ZDHHC11: variants seen among roughly 807,000 people sequenced by gnomAD.
ZDHHC11 encodes zDHHC palmitoyltransferase 11, also known as palmitoyltransferase ZDHHC11.
A neutral mutation model predicts 51.3 loss-of-function variants in ZDHHC11; 44 were observed. The observed-to-expected ratio is 0.86, with a 90% CI of 0.67 to 1.10. The LOEUF (loss-of-function observed/expected upper bound fraction) is 1.10. Ranked by LOEUF, ZDHHC11 falls within the 50% of genes least tolerant of loss-of-function variation. The probability of loss-of-function intolerance (pLI) is 0.00; values close to 1 mark genes in which losing one functional copy is unlikely to be tolerated. For synonymous variants in ZDHHC11, 163 were observed against 222.0 expected (o/e 0.73, Z 2.36); for missense variants, 400 against 537.7 (o/e 0.74, Z 2.53).
chr5:803,615 T>C (rs934475114), intron 11 of ZDHHC11, among the ~76,000 whole-genome samples: 7 of 150,982 alleles, frequency 4.6e-5, no homozygotes, highest in Non-Finnish European at 1.5e-5. Context: ...TAGAATAATA[T>C]GGCCCACTCA....
At chr5:851,474 T>C (rs1228419272), upstream of ZDHHC11, among the ~76,000 whole-genome samples, 5 of 152,222 alleles carry the variant, frequency 3.3e-5, no homozygotes, top group African/African-American at 4.8e-5. Context: ...TTCGCCACGT[T>C]ATGCCTCGCT....
intron 12 of ZDHHC11, among the ~76,000 whole-genome samples, chr5:799,307 C>T (rs1276854882): frequency 6.6e-6 from 1 of 151,386 alleles, no homozygotes; most frequent in East Asian, 1.9e-4. Flanking sequence ...ATGTCAGCTC[C>T]CTTCACCTTC....
intron 4 of ZDHHC11, chr5:842,736 C>G (rs1246337638): frequency 5.8e-5 from 53 of 907,300 alleles, no homozygotes; most frequent in Non-Finnish European, 6.7e-5. Flanking sequence ...CTCTTGCAGT[C>G]TGAGGCAGGC....
chr5:857,218 C>A (rs1198481417), intron 1 of ZDHHC11, among the ~76,000 whole-genome samples: 1 of 152,222 alleles, frequency 6.6e-6, no homozygotes, highest in South Asian at 2.1e-4. Context: ...GACCGATGCC[C>A]GGGGAACTGG....
chr5:823,709 T>C (rs1445663025), intron 8 of ZDHHC11: 1 of 196,820 alleles, frequency 5.1e-6, no homozygotes. Context: ...TTCAACATGA[T>C]GCTGAGCGGA....
At chr5:839,618 A>G (rs1305681889) in intron 5 of ZDHHC11, 3 of 149,738 alleles carry the variant, frequency 2.0e-5, no homozygotes, top group African/African-American at 7.4e-5. Flanking sequence ...GTGGTTATGA[A>G]CAAGGAGGCT....
intron 7 of ZDHHC11, among the ~76,000 whole-genome samples, chr5:831,409 C>T (rs1267519240): frequency 4.0e-5 from 6 of 149,302 alleles, no homozygotes; most frequent in African/African-American, 1.5e-4. Flanking sequence ...CATGGTGAAA[C>T]TTGTCTCTAC....
chr5:852,684 A>G (rs1747416862), upstream of ZDHHC11, among the ~76,000 whole-genome samples: 1 of 150,302 alleles, frequency 6.7e-6, no homozygotes. Context: ...AGCCGGGGGG[A>G]CAGACCACAC....
intron 4 of ZDHHC11, among the ~76,000 whole-genome samples, chr5:842,842 C>A (rs535271631): frequency 3.3e-5 from 5 of 151,582 alleles, no homozygotes; most frequent in Non-Finnish European, 7.4e-5. Context: ...TGGCTCCCGG[C>A]GACCCCGGGC....
chr5:824,588 TAACA>T (rs1401533179), intron 8 of ZDHHC11, among the ~76,000 whole-genome samples: 10 of 151,554 alleles, frequency 6.6e-5, no homozygotes, highest in African/African-American at 2.2e-4. Flanking sequence ...AGAGTCCATG[TAACA>T]AACACACACC....
intron 5 of ZDHHC11, among the ~76,000 whole-genome samples, chr5:837,750 C>G (rs1332338871): frequency 6.6e-6 from 1 of 151,914 alleles, no homozygotes; most frequent in Non-Finnish European, 1.5e-5. Context: ...CTGCCACGGC[C>G]TCATTGAGCT....
rs527466066 is a variant in ZDHHC11, at chr5:802,375, G to A, written c.1182-1211C>T. On this transcript the variant is annotated intron_variant, in intron 11 of 12. Coordinates refer to ENST00000283441, the MANE Select transcript of ZDHHC11 (RefSeq NM_024786.3). ...GAATCCAAAAATTACTGAGAATAAAGAGAAAATAAAATATTAATTTCAAAT... is the reference window on the plus strand; with the variant it reads ...GAATCCAAAAATTACTGAGAATAAAAAGAAAATAAAATATTAATTTCAAAT... 3.5e-4 allele frequency among the ~76,000 whole-genome samples: 53 copies of A among 151,428 alleles called. 1 individual carries two copies. Among genetic ancestry groups the A allele is most frequent in the Admixed American group, 1.6e-3 (24 of 15,212 alleles).
At chr5:819,690 G>T in intron 9 of ZDHHC11, 78 bp from the exon 10 acceptor site, 1 of 1,440,814 alleles carries the variant, frequency 6.9e-7, no homozygotes, top group Non-Finnish European at 9.7e-7. Flanking sequence ...GCTACAGTGT[G>T]TCCTGTAAGC....
intron 8 of ZDHHC11, chr5:823,523 A>AG (rs1741837366): frequency 6.6e-6 from 1 of 152,632 alleles, no homozygotes; most frequent in Admixed American, 6.5e-5. Context: ...GCCCACTCCA[A>AG]GGGGAGGCGA....
intron 6 of ZDHHC11, among the ~76,000 whole-genome samples, chr5:834,499 T>G (rs1362035698): frequency 1.3e-5 from 2 of 151,410 alleles, no homozygotes; most frequent in East Asian, 3.8e-4. Flanking sequence ...AAAACTGAGT[T>G]TTCTGTTTGT....
intron 12 of ZDHHC11, among the ~76,000 whole-genome samples, chr5:798,512 CCTT>C (rs1254834329): frequency 1.3e-5 from 2 of 149,590 alleles, no homozygotes; most frequent in African/African-American, 2.4e-5. Context: ...TCATTTCACT[CCTT>C]CTTTCTTTCC....
chr5:852,126 C>T (rs1173929822), upstream of ZDHHC11, among the ~76,000 whole-genome samples: 1 of 151,856 alleles, frequency 6.6e-6, no homozygotes, highest in Non-Finnish European at 1.5e-5. Flanking sequence ...GAAAGACAAC[C>T]CTGTACATTA....
intron 12 of ZDHHC11, among the ~76,000 whole-genome samples, chr5:796,830 G>A (rs1380903097): frequency 3.9e-5 from 6 of 152,326 alleles, no homozygotes; most frequent in East Asian, 3.9e-4. Context: ...GTGCATCACC[G>A]ACAGAGGCCA....
chr5:812,512 T>C (rs1174476468), intron 11 of ZDHHC11, among the ~76,000 whole-genome samples: 2 of 151,526 alleles, frequency 1.3e-5, no homozygotes, highest in East Asian at 1.9e-4. Flanking sequence ...AAAATGCACA[T>C]TGAAACAATT....
Sources: gnomAD v4.1 joint callset for allele counts (sites outside exome capture counted in the v4.1 genomes callset) on GRCh38, gnomAD v4.1.1 for gene constraint, MANE v1.5 for transcripts, NCBI Gene and HGNC (gene_info 2026-07-23, HGNC 2026-07-21) for gene names.